Variants in PTCD2 observed in about 807,000 individuals in gnomAD.
PTCD2 encodes pentatricopeptide repeat domain 2.
In PTCD2, 31 loss-of-function variants were observed where a neutral mutation model predicts 42.6. The observed-to-expected ratio is 0.73, with a 90% CI of 0.55 to 0.98. The LOEUF is 0.98. Ranked by LOEUF, PTCD2 falls within the 50% of genes least tolerant of loss-of-function variation. The pLI is 0.00. For missense variants in PTCD2, 476 were observed against 454.8 expected, an observed-to-expected ratio of 1.05 and a Z score of -0.42; for synonymous variants, 183 against 170.9, an observed-to-expected ratio of 1.07 and a Z score of -0.55.
intron 8 of PTCD2, among the ~76,000 whole-genome samples, chr5:72,349,166 T>G (rs766208612): frequency 1.3e-5 from 2 of 152,242 alleles, no homozygotes; most frequent in Non-Finnish European, 2.9e-5. Context: ...CTTTCTATGT[T>G]TCTACTCTAC....
At chr5:72,340,017 G>A (rs1751972270) in intron 7 of PTCD2, among the ~76,000 whole-genome samples, 1 of 152,002 alleles carries the variant, frequency 6.6e-6, no homozygotes, top group Non-Finnish European at 1.5e-5. Flanking sequence ...TTTCTGTGTT[G>A]CTTTATAATA....
intron 7 of PTCD2, among the ~76,000 whole-genome samples, chr5:72,341,474 C>T (rs1399071035): frequency 6.6e-6 from 1 of 152,022 alleles, no homozygotes; most frequent in African/African-American, 2.4e-5. Flanking sequence ...CACTGTGGCT[C>T]CTGCGTGTAA....
At chr5:72,340,200 T>G (rs1048344577) in intron 7 of PTCD2, among the ~76,000 whole-genome samples, 2 of 152,214 alleles carry the variant, frequency 1.3e-5, no homozygotes, top group Non-Finnish European at 2.9e-5. Context: ...TAGTTTTGAT[T>G]TTCTTAATTA....
rs1447260296 is a variant in PTCD2, at chr5:72,363,945, A to G, written c.*5518A>G. The G allele has an allele frequency of 6.6e-6, 1 of 152,228 alleles. No homozygotes were observed. Among genetic ancestry groups the G allele is most frequent in the Non-Finnish European group, 1.5e-5 (1 of 68,030 alleles). 9.4% of individuals were successfully genotyped at this position (152,228 alleles called of 1,614,324 possible). A position where few individuals can be genotyped will look rare whatever the true frequency, so the allele number is the denominator to read the frequency against. On this transcript the variant is annotated 3_prime_UTR_variant, in exon 10 of 10. Transcript: ENST00000380639. The stretch of plus-strand genomic sequence containing the variant: ...ATTACACTTCATAGATAAACTAGCC[A>G]TAAAAAAGATTACAGCGGCAAAAGC...
intron 2 of PTCD2, among the ~76,000 whole-genome samples, chr5:72,322,546 G>A (rs1002305485): frequency 6.6e-6 from 1 of 152,178 alleles, no homozygotes; most frequent in African/African-American, 2.4e-5. Flanking sequence ...TTAAAAGTGA[G>A]GTTTGAGGAC....
In PTCD2 at chr5:72,360,177, T is replaced by G. The variant is rs745745819; in HGVS notation, c.*1750T>G. On this transcript the variant is annotated 3_prime_UTR_variant, in exon 10 of 10. Coordinates refer to ENST00000380639, the MANE Select transcript of PTCD2 (RefSeq NM_024754.5). The stretch of plus-strand genomic sequence containing the variant: ...TTCTCTGCCCTCATAGAATCCTAAT[T>G]GTTTCTGTATGTGTCTGGTGTTTTG... The G allele has an allele frequency of 6.6e-6, 1 of 151,800 alleles. No individual in the cohort carries two copies. The highest frequency in any genetic ancestry group is 1.5e-5 in the Non-Finnish European group (1 of 67,986). The allele number at this position is 151,800 out of a possible 1,614,324, so 9.4% of individuals were successfully genotyped here.
rs1752989382 is a variant in PTCD2, at chr5:72,358,369, A to G, written c.1109A>G (p.Lys370Arg). ...DRKSHTLLLNKRMVSRRTFQP... is the reference protein window; with the variant it reads ...DRKSHTLLLNRRMVSRRTFQP... ...AAATCTCACACGTTGCTATTAAACAAGAGGATGGTCAGCCGTCGCACCTTC... is the reference window on the plus strand; with the variant it reads ...AAATCTCACACGTTGCTATTAAACAGGAGGATGGTCAGCCGTCGCACCTTC... Residue 370 changes from lysine (K) to arginine (R), a missense_variant, in exon 10 of 10, where the codon AAG (lysine) becomes AGG (arginine). Coordinates refer to ENST00000380639, the MANE Select transcript of PTCD2 (RefSeq NM_024754.5). 2 of 1,613,938 alleles carry G rather than the reference A, an allele frequency of 1.2e-6. No individual in the cohort carries two copies. The highest frequency in any genetic ancestry group is 8.5e-7 in the Non-Finnish European group (1 of 1,179,998).
intron 2 of PTCD2, among the ~76,000 whole-genome samples, chr5:72,323,847 C>T (rs944325479): frequency 6.6e-6 from 1 of 152,022 alleles, no homozygotes; most frequent in South Asian, 2.1e-4. Flanking sequence ...GATGGTCTCA[C>T]TGTGTTGAGG....
In PTCD2 at chr5:72,363,981, A is replaced by G. The variant is rs1753147484; in HGVS notation, c.*5554A>G. The G allele has an allele frequency of 6.6e-6, 1 of 152,222 alleles. No homozygotes were observed. The highest frequency in any genetic ancestry group is 1.5e-5 in the Non-Finnish European group (1 of 68,034). 9.4% of individuals were successfully genotyped at this position (152,222 alleles called of 1,614,324 possible). A position where few individuals can be genotyped will look rare whatever the true frequency, so the allele number is the denominator to read the frequency against. ...TACAGCGGCAAAAGCTATCATCAGT[A>G]ATATTTGATATGCATAAGAAACCGT... On this transcript the variant is annotated 3_prime_UTR_variant, in exon 10 of 10. Transcript: ENST00000380639.
intron 2 of PTCD2, 118 bp from the exon 3 acceptor site, chr5:72,326,493 AC>A (rs1751144486): frequency 1.0e-6 from 1 of 1,004,968 alleles, no homozygotes; most frequent in Admixed American, 2.2e-5. Context: ...GTGTTTCTGA[AC>A]CCCTCTCAGT....
In PTCD2 at chr5:72,338,630, T is replaced by G. The variant is rs745626433; in HGVS notation, c.648T>G (p.Pro216=). 2.5e-6 allele frequency: 4 copies of G among 1,584,550 alleles called. No individual in the cohort carries two copies. The South Asian group carries it at 4.4e-5, about 18-fold the overall frequency. The change falls in exon 7 of 10, where the codon CCT becomes CCG. Residue 216 remains proline (P), a synonymous_variant. Coordinates refer to ENST00000380639, the MANE Select transcript of PTCD2 (RefSeq NM_024754.5). ...AFAICYKLNS[P]ESFKICTTLR... is the part of the protein sequence containing the mutation. ...ATCCTGTCTCCTCACAGAATAGCCC[T>G]GAGTCTTTCAAAATCTGTACTACAT...
rs932576700 is a variant in PTCD2 at position 72,364,898 on chromosome 5, T to G, written c.*6471T>G. ...GAGAAAGAAGTGATTTGGCGAGGGG[T>G]TGGGGGAGTAGGCGGTGGGCACAAC... On this transcript the variant is annotated 3_prime_UTR_variant, in exon 10 of 10. Coordinates refer to ENST00000380639, the MANE Select transcript of PTCD2 (RefSeq NM_024754.5). 1 of 152,094 alleles carries G rather than the reference T, an allele frequency of 6.6e-6. No individual in the cohort carries two copies. Among genetic ancestry groups the G allele is most frequent in the Non-Finnish European group, 1.5e-5 (1 of 68,136 alleles). 9.4% of individuals were successfully genotyped at this position (152,094 alleles called of 1,614,324 possible).
rs145409624 is a variant in PTCD2, at chr5:72,329,712, A to G, written c.351-1546A>G. Among the ~76,000 whole-genome samples the G allele has an allele frequency of 6.7e-3, 1,015 of 152,246 alleles. 9 individuals carry two copies. The highest frequency in any genetic ancestry group is 0.021 in the African/African-American group (873 of 41,548). On this transcript the variant is annotated intron_variant, in intron 3 of 9. Coordinates refer to ENST00000380639, the MANE Select transcript of PTCD2 (RefSeq NM_024754.5). ...CACATCATCTCATTTAATCTTCACA[A>G]AAAAACTGAGTTGGGTTCTCTTCTT...
chr5:72,345,704 G>C (rs1233829070), intron 8 of PTCD2, among the ~76,000 whole-genome samples: 2 of 152,188 alleles, frequency 1.3e-5, no homozygotes, highest in African/African-American at 2.4e-5. Flanking sequence ...CTGACTTCCT[G>C]CAACAAATAG....
rs1239335783 is a variant in PTCD2 at position 72,361,338 on chromosome 5, T to C, written c.*2911T>C. The C allele has an allele frequency of 6.6e-6, 1 of 152,142 alleles. No individual in the cohort carries two copies. The allele number at this position is 152,142 out of a possible 1,614,324, so 9.4% of individuals were successfully genotyped here. On this transcript the variant is annotated 3_prime_UTR_variant, in exon 10 of 10. Coordinates refer to ENST00000380639, the MANE Select transcript of PTCD2 (RefSeq NM_024754.5). Reference sequence around the variant, plus strand: ...TCATGCAGTTATAGTCATCATCAGATTGTGGCCGCGACTGGCATAATCTCA... The same window carrying C: ...TCATGCAGTTATAGTCATCATCAGACTGTGGCCGCGACTGGCATAATCTCA...
At chr5:72,324,479 C>G (rs1751033917) in intron 2 of PTCD2, among the ~76,000 whole-genome samples, 1 of 152,176 alleles carries the variant, frequency 6.6e-6, no homozygotes, top group African/African-American at 2.4e-5. Context: ...CAGTTCTGTT[C>G]TGTTGCTCAT....
chr5:72,358,291 A>G lies in PTCD2; in HGVS notation c.1031A>G (p.Gln344Arg). ...TATGGGACACTGCACATCACTGGCC[A>G]GGTCACCACTGATTCTTTGGATGCT... ...EIYGTLHITGQVTTDSLDAVL... is the reference protein window; with the variant it reads ...EIYGTLHITGRVTTDSLDAVL... Residue 344 changes from glutamine (Q) to arginine (R), a missense_variant, in exon 10 of 10, where the codon CAG (glutamine) becomes CGG (arginine). By Grantham distance (43) the Gln-to-Arg change is conservative (BLOSUM62 1). Coordinates refer to ENST00000380639, the MANE Select transcript of PTCD2 (RefSeq NM_024754.5). 6.2e-7 allele frequency: 1 copy of G among 1,614,082 alleles called. No individual in the cohort carries two copies. The highest frequency in any genetic ancestry group is 8.5e-7 in the Non-Finnish European group (1 of 1,179,994).
rs1217074696 is a variant in PTCD2 at position 72,360,668 on chromosome 5, C to T, written c.*2241C>T. The T allele has an allele frequency of 6.6e-6, 1 of 150,506 alleles. No homozygotes were observed. Among genetic ancestry groups the T allele is most frequent in the Non-Finnish European group, 1.5e-5 (1 of 67,638 alleles). 9.3% of individuals were successfully genotyped at this position (150,506 alleles called of 1,614,324 possible). A position where few individuals can be genotyped will look rare whatever the true frequency, so the allele number is the denominator to read the frequency against. ...AGCAGTAGTTTGCCTACATCATTTA[C>T]TTGTTTTTTTCTGCTTTGGGGTTTT... is the stretch of plus-strand genomic sequence containing the variant. On this transcript the variant is annotated 3_prime_UTR_variant, in exon 10 of 10. Transcript: ENST00000380639.
intron 1 of PTCD2, 43 bp downstream of exon 1, chr5:72,320,552 G>C: frequency 6.2e-7 from 1 of 1,610,564 alleles, no homozygotes; most frequent in Non-Finnish European, 8.5e-7. Context: ...AGGGATGGGA[G>C]AGAAGGGAGT....
Sources: allele counts gnomAD v4.1 joint callset (sites outside exome capture counted in the v4.1 genomes callset), GRCh38; gene constraint gnomAD v4.1.1; transcripts MANE v1.5; gene names NCBI Gene and HGNC (gene_info 2026-07-23, HGNC 2026-07-21).